Variants in MEI4 observed in about 807,000 individuals in gnomAD.
The protein encoded by MEI4 is meiosis-specific protein MEI4.
In MEI4, 27 loss-of-function variants were observed where a neutral mutation model predicts 31.4. The ratio of observed to expected loss-of-function variants is 0.86; its 90% confidence interval spans 0.63 to 1.19. The LOEUF (loss-of-function observed/expected upper bound fraction) is 1.19, where lower values mean the gene tolerates loss of function less well. MEI4 is among the 50% of genes most tolerant of loss of function. The probability of loss-of-function intolerance (pLI) is 0.00; values close to 1 mark genes in which losing one functional copy is unlikely to be tolerated. For synonymous variants in MEI4, 122 were observed against 145.4 expected (o/e 0.84, Z 1.16); for missense variants, 329 against 398.9 (o/e 0.82, Z 1.49).
At chr6:77,770,647 C>A (rs1216728986) in intron 3 of MEI4, among the ~76,000 whole-genome samples, 2 of 152,096 alleles carry the variant, frequency 1.3e-5, no homozygotes, top group South Asian at 4.1e-4. Flanking sequence ...GGTATACAAA[C>A]AGACACATAA....
rs1766844499 is a variant in MEI4 at position 77,727,053 on chromosome 6, T to C, written c.233-34077T>C. ...AGCCAACAATTACAATTTTTTTTGGTACCTGCAAGATCCATTGTTAGATTT... is the reference window on the plus strand; with the variant it reads ...AGCCAACAATTACAATTTTTTTTGGCACCTGCAAGATCCATTGTTAGATTT... On this transcript the variant is annotated intron_variant, in intron 2 of 4. Transcript: ENST00000684080. Among the ~76,000 whole-genome samples, 2 of 152,316 alleles carry C rather than the reference T, an allele frequency of 1.3e-5. 1 individual carries two copies. Among genetic ancestry groups the C allele is most frequent in the South Asian group, 4.1e-4 (2 of 4,822 alleles).
In MEI4 at chr6:77,920,781, A is replaced by G. The variant is rs1766685036; in HGVS notation, c.901-2308A>G. Reference sequence around the variant, plus strand: ...ACATTAATCTCTTTATGCATCCATCAGAGCTTTTGGATGATCAGGTGTGTT... The same window carrying G: ...ACATTAATCTCTTTATGCATCCATCGGAGCTTTTGGATGATCAGGTGTGTT... On this transcript the variant is annotated intron_variant, in intron 4 of 4. Transcript: ENST00000684080. Among the ~76,000 whole-genome samples the G allele has an allele frequency of 2.0e-5, 3 of 151,910 alleles. No homozygotes were observed. In the Admixed American group the frequency reaches 2.0e-4, roughly 10 times the overall value.
intron 4 of MEI4, among the ~76,000 whole-genome samples, chr6:77,917,615 G>A (rs1766592070): frequency 2.9e-5 from 1 of 34,148 alleles, no homozygotes; most frequent in Non-Finnish European, 4.7e-5. Flanking sequence ...TTTTGATGGG[G>A]TTGTTTTTTT....
intron 1 of MEI4, among the ~76,000 whole-genome samples, chr6:77,665,186 G>A (rs534941514): frequency 5.1e-4 from 78 of 152,002 alleles, no homozygotes; most frequent in Admixed American, 7.9e-4. Flanking sequence ...CACGGAAAGG[G>A]GTCGAGGCAT....
intron 2 of MEI4, among the ~76,000 whole-genome samples, chr6:77,691,381 A>C (rs768062425): frequency 1.1e-4 from 16 of 152,002 alleles, no homozygotes; most frequent in South Asian, 2.1e-4. Context: ...ACATACTATA[A>C]TAGAGACTGA....
At chr6:77,901,606 A>C (rs186177989) in intron 4 of MEI4, among the ~76,000 whole-genome samples, 15 of 152,044 alleles carry the variant, frequency 9.9e-5, no homozygotes, top group Non-Finnish European at 1.8e-4. Flanking sequence ...ATATATTTTT[A>C]ATATTAGCCC....
intron 2 of MEI4, among the ~76,000 whole-genome samples, chr6:77,698,923 G>T (rs1465059753): frequency 1.3e-5 from 2 of 152,038 alleles, no homozygotes; most frequent in South Asian, 4.2e-4. Flanking sequence ...CGTAGATTTG[G>T]TCTTTTCACA....
At chr6:77,699,369 T>G (rs1766149700) in intron 2 of MEI4, among the ~76,000 whole-genome samples, 1 of 151,350 alleles carries the variant, frequency 6.6e-6, no homozygotes, top group Admixed American at 6.6e-5. Context: ...TTTTTTTGTA[T>G]TTTTAGTAGA....
intron 3 of MEI4, among the ~76,000 whole-genome samples, chr6:77,801,074 C>G: frequency 1.3e-5 from 2 of 152,158 alleles, no homozygotes; most frequent in Non-Finnish European, 2.9e-5. Context: ...ATGGTACCAG[C>G]TCCTCCTTGT....
At chr6:77,905,636 A>G (rs1391533855) in intron 4 of MEI4, among the ~76,000 whole-genome samples, 2 of 151,242 alleles carry the variant, frequency 1.3e-5, no homozygotes, top group African/African-American at 4.9e-5. Flanking sequence ...AGCTGGGACT[A>G]CAGATGTGTG....
chr6:77,766,027 C>G (rs919791412), intron 3 of MEI4, among the ~76,000 whole-genome samples: 13 of 152,170 alleles, frequency 8.5e-5, no homozygotes, highest in Non-Finnish European at 2.9e-5. Flanking sequence ...ATTTTCTAAG[C>G]AGCAGCTCTT....
chr6:77,818,840 C>T (rs1031961673), intron 3 of MEI4, among the ~76,000 whole-genome samples: 1 of 152,150 alleles, frequency 6.6e-6, no homozygotes, highest in Non-Finnish European at 1.5e-5. Context: ...AAACAATCTT[C>T]AAGCCTCAGT....
chr6:77,808,500 A>G (rs2127703935), intron 3 of MEI4, among the ~76,000 whole-genome samples: 1 of 152,340 alleles, frequency 6.6e-6, no homozygotes, highest in African/African-American at 2.4e-5. Flanking sequence ...AGATCAATTA[A>G]GAGACAGTGT....
intron 2 of MEI4, among the ~76,000 whole-genome samples, chr6:77,729,693 G>T (rs979497064): frequency 2.6e-4 from 40 of 151,824 alleles, no homozygotes; most frequent in African/African-American, 4.8e-5. Context: ...GGTACAAACA[G>T]TGTAGAGAAC....
intron 3 of MEI4, among the ~76,000 whole-genome samples, chr6:77,791,078 T>A (rs547375296): frequency 2.6e-5 from 4 of 152,054 alleles, no homozygotes; most frequent in Admixed American, 2.6e-4. Flanking sequence ...TTTGACACTG[T>A]TGGTGGGACT....
At chr6:77,842,262 C>G (rs977585651) in intron 4 of MEI4, among the ~76,000 whole-genome samples, 2 of 152,026 alleles carry the variant, frequency 1.3e-5, no homozygotes, top group Non-Finnish European at 2.9e-5. Flanking sequence ...AGGAGTACAT[C>G]TAGAAAACCC....
At chr6:77,894,829 C>G (rs142984223) in intron 4 of MEI4, among the ~76,000 whole-genome samples, 47 of 152,298 alleles carry the variant, frequency 3.1e-4, no homozygotes, top group African/African-American at 1.1e-3. Flanking sequence ...TTTTGCCTGG[C>G]TGGGCAGTCA....
At chr6:77,772,170 C>CT (rs1481541571) in intron 3 of MEI4, among the ~76,000 whole-genome samples, 1 of 151,388 alleles carries the variant, frequency 6.6e-6, no homozygotes, top group African/African-American at 2.4e-5. Context: ...TGCTCAAACT[C>CT]TTCTGAAAAA....
At chr6:77,835,373 A>ACACACACACACACACACACAC (rs1770189280) in intron 4 of MEI4, among the ~76,000 whole-genome samples, 10 of 96,794 alleles carry the variant, frequency 1.0e-4, no homozygotes, top group African/African-American at 1.4e-4. Context: ...AACAAAACAA[A>ACACACACACACACACACACAC]ACACACACAC....
Sources: allele counts gnomAD v4.1 joint callset (sites outside exome capture counted in the v4.1 genomes callset), GRCh38; gene constraint gnomAD v4.1.1; transcripts MANE v1.5; gene names NCBI Gene and HGNC (gene_info 2026-07-23, HGNC 2026-07-21).